The following APOL2 variants were observed in gnomAD, a reference collection of about 807,000 sequenced individuals.
APOL2 encodes the protein apolipoprotein L, 2.
Under a neutral mutation model 7.1 loss-of-function variants are expected in APOL2, and 8 were observed. That is an observed-to-expected ratio of 1.12 (90% CI 0.66 to 2.03). The LOEUF (loss-of-function observed/expected upper bound fraction) is 2.03, where lower values mean the gene tolerates loss of function less well. APOL2 is among the 30% of genes most tolerant of loss of function. APOL2 has a pLI of 0.00. For missense variants in APOL2, 471 were observed against 415.1 expected, an observed-to-expected ratio of 1.13 and a Z score of -1.17; for synonymous variants, 177 against 159.9, an observed-to-expected ratio of 1.11 and a Z score of -0.81.
intron 1 of APOL2, among the ~76,000 whole-genome samples, chr22:36,238,624 G>A (rs1894493): frequency 6.6e-6 from 1 of 151,986 alleles, no homozygotes; most frequent in Non-Finnish European, 1.5e-5. Flanking sequence ...CACTCCTGTA[G>A]TTATACTCAC....
At chr22:36,237,965 T>A (rs895456258) in intron 1 of APOL2, among the ~76,000 whole-genome samples, 8 of 152,114 alleles carry the variant, frequency 5.3e-5, no homozygotes, top group African/African-American at 1.9e-4. Flanking sequence ...GTCCCCACCA[T>A]GTGCAAGTCA....
At position 36,233,577 on chromosome 22, in the gene APOL2, G is replaced by C. The variant is rs1483375714; in HGVS notation, c.-133-122C>G. Reference sequence around the variant, plus strand: ...AACATTCTGACAATGACCTGGGCCTGGGAACATGTATGATAACTAGTTGAT... The same window carrying C: ...AACATTCTGACAATGACCTGGGCCTCGGAACATGTATGATAACTAGTTGAT... On this transcript the variant is annotated intron_variant, in intron 1 of 4. Transcript: ENST00000358502. 3 of 893,706 alleles carry C rather than the reference G, an allele frequency of 3.4e-6. No homozygotes were observed. In the East Asian group the frequency reaches 7.9e-5, roughly 24 times the overall value. 55.4% of individuals were successfully genotyped at this position (893,706 alleles called of 1,614,324 possible). A position where few individuals can be genotyped will look rare whatever the true frequency, so the allele number is the denominator to read the frequency against.
intron 2 of APOL2, 75 bp downstream of exon 2, chr22:36,233,327 C>A (rs2015294533): frequency 1.3e-6 from 2 of 1,587,504 alleles, no homozygotes. Flanking sequence ...CTTTGCAGAT[C>A]CCTCTGTGGT....
At chr22:36,237,909 AG>A (rs977217401) in intron 1 of APOL2, among the ~76,000 whole-genome samples, 3 of 151,964 alleles carry the variant, frequency 2.0e-5, no homozygotes, top group African/African-American at 7.3e-5. Flanking sequence ...CCCCAGCCTC[AG>A]GCCTTCACTC....
At chr22:36,234,170 C>T (rs1326775080) in intron 1 of APOL2, 1 of 152,170 alleles carries the variant, frequency 6.6e-6, no homozygotes, top group Non-Finnish European at 1.5e-5. Flanking sequence ...AGATTATTTC[C>T]TTAAGATACT....
chr22:36,236,654 G>T (rs1002844210), intron 1 of APOL2: 1 of 985,414 alleles, frequency 1.0e-6, no homozygotes. Context: ...TTTGTTTGCA[G>T]ACTTTATTTT....
chr22:36,233,439 G>A lies in APOL2; in HGVS notation c.-117C>T. 6.4e-7 allele frequency: 1 copy of A among 1,550,820 alleles called. No homozygotes were observed. The highest frequency in any genetic ancestry group is 1.2e-5 in the South Asian group (1 of 84,254). On this transcript the variant is annotated 5_prime_UTR_variant, in exon 2 of 5. Transcript: ENST00000358502. The stretch of plus-strand genomic sequence containing the variant: ...TCCTCTTCCCTCACTCTCACACCAA[G>A]GCAGGGTCCTCTTGTCCTGTAGGGG...
chr22:36,227,752 C>A lies in APOL2; in HGVS notation c.666G>T (p.Arg222Ser). The part of the protein sequence containing the change: ...NWYQVTQGIG[R>S]NIRAIRRARA... ...TGGCTCGTCTGATGGCACGGATGTT[C>A]CTCCCAATCCCTTGTGTGACTTGGT... Residue 222 changes from arginine to serine, a missense_variant, in exon 5 of 5, where the codon AGG (arginine) becomes AGT (serine). Arg to Ser is a moderately radical substitution (Grantham distance 110). Transcript: ENST00000358502. The A allele has an allele frequency of 6.2e-7, 1 of 1,614,230 alleles. No homozygotes were observed. Among genetic ancestry groups the A allele is most frequent in the South Asian group, 1.1e-5 (1 of 91,088 alleles).
At chr22:36,234,187 A>G (rs970500483) in intron 1 of APOL2, 3 of 152,262 alleles carry the variant, frequency 2.0e-5, no homozygotes, top group Non-Finnish European at 2.9e-5. Flanking sequence ...TACTTTTAAG[A>G]GTAGAATGAC....
upstream of APOL2, chr22:36,239,666 T>C (rs1474760513): frequency 9.3e-6 from 6 of 643,046 alleles, no homozygotes; most frequent in Non-Finnish European, 1.7e-5. Context: ...AGGCCCAGCC[T>C]CCTTGCTGCT....
chr22:36,236,533 A>G, intron 1 of APOL2: 2 of 978,888 alleles, frequency 2.0e-6, no homozygotes, highest in Non-Finnish European at 2.4e-6. Context: ...TAATAATGAT[A>G]ATACCGATTC....
At chr22:36,228,935 C>G (rs1192179736) in intron 4 of APOL2, among the ~76,000 whole-genome samples, 2 of 152,138 alleles carry the variant, frequency 1.3e-5, no homozygotes, top group African/African-American at 4.8e-5. Context: ...TGATCCAGCC[C>G]CAGCAGATAC....
rs1298173569 is a variant in APOL2, at chr22:36,239,162, T to A, written c.-134+279A>T. On this transcript the variant is annotated intron_variant, in intron 1 of 4. Transcript: ENST00000358502. ...TTTCTTCTGGGGTCAGCTGGCCGTG[T>A]CTGAGGGTGTCAGAACCAGAGCTGA... The A allele has an allele frequency of 3.2e-6, 4 of 1,237,586 alleles. No homozygotes were observed. The African/African-American group carries it at 6.1e-5, about 19-fold the overall frequency. The allele number at this position is 1,237,586 out of a possible 1,614,324, so 76.7% of individuals were successfully genotyped here. A position where few individuals can be genotyped will look rare whatever the true frequency, so the allele number is the denominator to read the frequency against.
intron 1 of APOL2, chr22:36,239,034 G>A (rs2015509727): frequency 1.2e-6 from 1 of 855,420 alleles, no homozygotes; most frequent in Non-Finnish European, 1.5e-6. Flanking sequence ...GCCTGGGTGT[G>A]GCCCGGCCAC....
At chr22:36,236,158 A>C (rs2015398313) in intron 1 of APOL2, among the ~76,000 whole-genome samples, 2 of 152,268 alleles carry the variant, frequency 1.3e-5, no homozygotes. Flanking sequence ...TATTTAAAAC[A>C]TCACAAAATG....
At position 36,227,874 on chromosome 22, in the gene APOL2, G is replaced by A. The variant is rs7285167; in HGVS notation, c.544C>T (p.Arg182Cys). The A allele has an allele frequency of 0.083, 133,975 of 1,614,070 alleles. 8,399 individuals are homozygous for A. The highest frequency in any genetic ancestry group is 0.31 in the African/African-American group (23,119 of 74,958). ...TTGGTGCCGCTTTGGTCCAAGTTGC[G>A]GGCTTGGGCTCGTGCCCGCAATTTG... is the stretch of plus-strand genomic sequence containing the variant. ...VNKLRARAQA[R>C]NLDQSGTNVA... The change falls in exon 5 of 5, where the codon CGC becomes TGC. Residue 182 changes from arginine (R) to cysteine (C), a missense_variant. Coordinates refer to ENST00000358502, the MANE Select transcript of APOL2 (RefSeq NM_030882.4).
At position 36,227,341 on chromosome 22, in the gene APOL2, A is replaced by G; in HGVS notation, c.*63T>C. On this transcript the variant is annotated 3_prime_UTR_variant, in exon 5 of 5. Coordinates refer to ENST00000358502, the MANE Select transcript of APOL2 (RefSeq NM_030882.4). ...AAAAAAAAAAAAAAAAAAAAAAAAAAGTCTGCATTTTGTCCTGGCCTGTGC... is the reference window on the plus strand; with the variant it reads ...AAAAAAAAAAAAAAAAAAAAAAAAAGGTCTGCATTTTGTCCTGGCCTGTGC... The G allele has an allele frequency of 5.9e-6, 7 of 1,176,868 alleles. No homozygotes were observed. Among genetic ancestry groups the G allele is most frequent in the African/African-American group, 1.7e-5 (1 of 58,030 alleles). The allele number at this position is 1,176,868 out of a possible 1,614,324, so 72.9% of individuals were successfully genotyped here.
intron 1 of APOL2, among the ~76,000 whole-genome samples, chr22:36,236,396 TTGTTTACA>T (rs1383904785): frequency 1.3e-5 from 2 of 152,156 alleles, no homozygotes; most frequent in African/African-American, 4.8e-5. Flanking sequence ...TGTAAGTAAA[TTGTTTACA>T]GCTACAAAGT....
chr22:36,238,109 T>C lies in APOL2; in HGVS notation c.-134+1332A>G, dbSNP rs189347141. Among the ~76,000 whole-genome samples the C allele has an allele frequency of 5.8e-3, 878 of 152,220 alleles. 5 individuals are homozygous for C. The highest frequency in any genetic ancestry group is 8.0e-3 in the Admixed American group (123 of 15,290). The stretch of plus-strand genomic sequence containing the variant: ...GCTCTTTGGGCCTCTGTCTCCCCTT[T>C]AGACTCTGAACATTCAATGGGGACA... On this transcript the variant is annotated intron_variant, in intron 1 of 4. Coordinates refer to ENST00000358502, the MANE Select transcript of APOL2 (RefSeq NM_030882.4).
Sources: gnomAD v4.1 joint callset for allele counts (sites outside exome capture counted in the v4.1 genomes callset) on GRCh38, gnomAD v4.1.1 for gene constraint, MANE v1.5 for transcripts, NCBI Gene and HGNC (gene_info 2026-07-23, HGNC 2026-07-21) for gene names.